Variants in TINAGL1 observed in about 807,000 individuals in gnomAD.
The protein encoded by TINAGL1 is tubulointerstitial nephritis antigen like 1, also known as tubulointerstitial nephritis antigen-like.
In TINAGL1, 34 loss-of-function variants were observed where a neutral mutation model predicts 62.0. The observed-to-expected ratio is 0.55, with a 90% CI of 0.42 to 0.73. The LOEUF (loss-of-function observed/expected upper bound fraction) is 0.73, where lower values mean the gene tolerates loss of function less well. Among genes scored for constraint, TINAGL1 ranks in the 30% least tolerant of loss-of-function variants. The probability of loss-of-function intolerance (pLI) is 0.00; values close to 1 mark genes in which losing one functional copy is unlikely to be tolerated. For missense variants in TINAGL1, 516 were observed against 653.2 expected, an observed-to-expected ratio of 0.79 and a Z score of 2.29; for synonymous variants, 221 against 249.7, an observed-to-expected ratio of 0.88 and a Z score of 1.08.
intron 3 of TINAGL1, among the ~76,000 whole-genome samples, chr1:31,581,105 C>G (rs1271925788): frequency 6.6e-6 from 1 of 152,136 alleles, no homozygotes. Flanking sequence ...GGTGACTGAG[C>G]TCATTTTAGC....
In TINAGL1 at chr1:31,587,116, C is replaced by CG. The variant is rs1274989627; in HGVS notation, c.*140dup. ...GGGCGCCAGGGCGCTAATCCCGGCG[C>CG]GGGTTCCGCTGACGCAGCGCCCCGC... On this transcript the variant is annotated 3_prime_UTR_variant, in exon 12 of 12. Transcript: ENST00000271064. 8 of 1,262,510 alleles carry CG rather than the reference C, an allele frequency of 6.3e-6. No homozygotes were observed. The highest frequency in any genetic ancestry group is 8.0e-6 in the Non-Finnish European group (8 of 996,362). 78.2% of individuals were successfully genotyped at this position (1,262,510 alleles called of 1,614,324 possible). A position where few individuals can be genotyped will look rare whatever the true frequency, so the allele number is the denominator to read the frequency against.
intron 3 of TINAGL1, chr1:31,580,619 A>G (rs1357693322): frequency 7.8e-7 from 1 of 1,289,346 alleles, no homozygotes; most frequent in African/African-American, 1.5e-5. Flanking sequence ...TGGGGCTGGA[A>G]AGCCCAGCCA....
In TINAGL1 at chr1:31,584,579, C is replaced by A; in HGVS notation, c.583-99C>A. The A allele has an allele frequency of 6.3e-7, 1 of 1,575,870 alleles. No individual in the cohort carries two copies. Among genetic ancestry groups the A allele is most frequent in the Non-Finnish European group, 8.7e-7 (1 of 1,155,002 alleles). ...AGCAGGAGGGCTCAAGATTAAACTG[C>A]AGAAGGCCCTGGACTTGGTGGCCCT... is the stretch of plus-strand genomic sequence containing the variant. On this transcript the variant is annotated intron_variant, in intron 5 of 11. Transcript: ENST00000271064. This position sits in a 1 kb window ranked among gnomAD's most constrained non-coding sequence, Gnocchi z 4.0.
rs1570215382 is a variant in TINAGL1 at position 31,584,364 on chromosome 1, T to G, written c.583-314T>G. ...AAGGTGCAGAGGAAAGAGGCAGGGGTTGAGAATGGAAAGCTGAGGGACCTG... is the reference window on the plus strand; with the variant it reads ...AAGGTGCAGAGGAAAGAGGCAGGGGGTGAGAATGGAAAGCTGAGGGACCTG... On this transcript the variant is annotated intron_variant, in intron 5 of 11. Coordinates refer to ENST00000271064, the MANE Select transcript of TINAGL1 (RefSeq NM_022164.3). The surrounding 1 kb of genome is among the most constrained non-coding windows in gnomAD (Gnocchi z 4.0). 1 of 349,298 alleles carries G rather than the reference T, an allele frequency of 2.9e-6. No homozygotes were observed. Among genetic ancestry groups the G allele is most frequent in the Non-Finnish European group, 5.5e-6 (1 of 183,050 alleles). The allele number at this position is 349,298 out of a possible 1,614,324, so 21.6% of individuals were successfully genotyped here.
At position 31,585,382 on chromosome 1, in the gene TINAGL1, G is replaced by T; in HGVS notation, c.1047+42G>T. 1 of 1,607,416 alleles carries T rather than the reference G, an allele frequency of 6.2e-7. No homozygotes were observed. The highest frequency in any genetic ancestry group is 8.5e-7 in the Non-Finnish European group (1 of 1,176,128). On this transcript the variant is annotated intron_variant, in intron 8 of 11. Coordinates refer to ENST00000271064, the MANE Select transcript of TINAGL1 (RefSeq NM_022164.3). This position sits in a 1 kb window ranked among gnomAD's most constrained non-coding sequence, Gnocchi z 4.3. Reference sequence around the variant, plus strand: ...GTGAGGGCGCCGAGGCAGGAGGGTTGTGAAAGCCTGGAGTCTCACCCCTGA... The same window carrying T: ...GTGAGGGCGCCGAGGCAGGAGGGTTTTGAAAGCCTGGAGTCTCACCCCTGA...
At position 31,587,321 on chromosome 1, in the gene TINAGL1, TC is replaced by T. The variant is rs371542008; in HGVS notation, c.*343del. The T allele has an allele frequency of 9.8e-6, 2 of 203,860 alleles. No individual in the cohort carries two copies. Among genetic ancestry groups the T allele is most frequent in the Non-Finnish European group, 9.6e-6 (1 of 103,804 alleles). 12.6% of individuals were successfully genotyped at this position (203,860 alleles called of 1,614,324 possible). On this transcript the variant is annotated 3_prime_UTR_variant, in exon 12 of 12. Transcript: ENST00000271064. Reference sequence around the variant, plus strand: ...CCACTACCCCACCCCACTCCTGTATTCTTTTTTTTTTTTTTTTAGACAGGGT... The same window carrying T: ...CCACTACCCCACCCCACTCCTGTATTTTTTTTTTTTTTTTTTAGACAGGGT...
At chr1:31,578,617 G>GTT (rs1422841159) in intron 2 of TINAGL1, among the ~76,000 whole-genome samples, 1 of 142,676 alleles carries the variant, frequency 7.0e-6, no homozygotes, top group African/African-American at 2.7e-5. Flanking sequence ...GTGTGTGTGT[G>GTT]TGTGATGTCT....
At chr1:31,580,551 A>C in intron 3 of TINAGL1, 1 of 1,288,988 alleles carries the variant, frequency 7.8e-7, no homozygotes, top group South Asian at 1.2e-5. Context: ...AGGATGAGGA[A>C]AGCCTTCCCG....
chr1:31,583,042 C>A lies in TINAGL1; in HGVS notation c.375-107C>A. Reference sequence around the variant, plus strand: ...ATGGGATCACCTAGAGATTCTCCCACAGTCACTTGCACAGACTCCCTGGCC... The same window carrying A: ...ATGGGATCACCTAGAGATTCTCCCAAAGTCACTTGCACAGACTCCCTGGCC... On this transcript the variant is annotated intron_variant, in intron 3 of 11. Coordinates refer to ENST00000271064, the MANE Select transcript of TINAGL1 (RefSeq NM_022164.3). This position sits in a 1 kb window ranked among gnomAD's most constrained non-coding sequence, Gnocchi z 4.4. The A allele has an allele frequency of 1.1e-6, 1 of 936,124 alleles. No homozygotes were observed. The highest frequency in any genetic ancestry group is 1.7e-6 in the Non-Finnish European group (1 of 573,070). 58.0% of individuals were successfully genotyped at this position (936,124 alleles called of 1,614,324 possible). A position where few individuals can be genotyped will look rare whatever the true frequency, so the allele number is the denominator to read the frequency against.
rs1475220192 is a variant in TINAGL1 at position 31,585,080 on chromosome 1, C to T, written c.857+44C>T. The T allele has an allele frequency of 2.5e-6, 4 of 1,569,746 alleles. No homozygotes were observed. The highest frequency in any genetic ancestry group is 3.5e-6 in the Non-Finnish European group (4 of 1,154,044). The stretch of plus-strand genomic sequence containing the variant: ...TGTGGGCAGAGAAGAGGGCAAGGAG[C>T]TCCGTGGGCATGGCCTGGGCCATGA... On this transcript the variant is annotated intron_variant, in intron 7 of 11. Coordinates refer to ENST00000271064, the MANE Select transcript of TINAGL1 (RefSeq NM_022164.3). This position sits in a 1 kb window ranked among gnomAD's most constrained non-coding sequence, Gnocchi z 4.3.
rs184476925 is a variant in TINAGL1 at position 31,585,146 on chromosome 1, T to C, written c.858-5T>C. On this transcript the variant is annotated splice_region_variant and splice_polypyrimidine_tract_variant and intron_variant, in intron 7 of 11. Coordinates refer to ENST00000271064, the MANE Select transcript of TINAGL1 (RefSeq NM_022164.3). This position sits in a 1 kb window ranked among gnomAD's most constrained non-coding sequence, Gnocchi z 4.3. ...TGCCTTTGCTCCCTCTTGCTGCCTT[T>C]GCAGGGTGGTGTCTGACCACTGCTA... is the stretch of plus-strand genomic sequence containing the variant. 7.6e-6 allele frequency: 12 copies of C among 1,571,010 alleles called. No homozygotes were observed. Among genetic ancestry groups the C allele is most frequent in the Non-Finnish European group, 1.0e-5 (12 of 1,155,752 alleles).
intron 2 of TINAGL1, 51 bp from the exon 3 acceptor site, chr1:31,579,153 G>A: frequency 1.3e-6 from 2 of 1,515,084 alleles, no homozygotes; most frequent in Non-Finnish European, 1.8e-6. Context: ...TGGCCAATTA[G>A]CCCATCCTCT....
rs934284878 is a variant in TINAGL1 at position 31,577,222 on chromosome 1, G to A, written c.74G>A (p.Gly25Asp). 2 of 1,604,050 alleles carry A rather than the reference G, an allele frequency of 1.2e-6. No individual in the cohort carries two copies. The highest frequency in any genetic ancestry group is 1.3e-5 in the African/African-American group (1 of 74,924). Residue 25 changes from glycine (G) to aspartate (D), a missense_variant, in exon 2 of 12, where the codon GGT (glycine) becomes GAT (aspartate). Transcript: ENST00000271064. This position sits in a 1 kb window ranked among gnomAD's most constrained non-coding sequence, Gnocchi z 5.4. The part of the protein sequence containing the change: ...AGHLALGAQQ[G>D]RGRRELAPGL... ...CACTTGGCTCTGGGTGCCCAGCAGG[G>A]TCGTGGGCGCCGGGAGCTAGCACCG...
At position 31,585,131 on chromosome 1, in the gene TINAGL1, C is replaced by T; in HGVS notation, c.858-20C>T. On this transcript the variant is annotated intron_variant, in intron 7 of 11. Coordinates refer to ENST00000271064, the MANE Select transcript of TINAGL1 (RefSeq NM_022164.3). This position sits in a 1 kb window ranked among gnomAD's most constrained non-coding sequence, Gnocchi z 4.3. ...TGCACTGAGTCTTTCTGCCTTTGCT[C>T]CCTCTTGCTGCCTTTGCAGGGTGGT... 1 of 1,565,628 alleles carries T rather than the reference C, an allele frequency of 6.4e-7. No individual in the cohort carries two copies. The highest frequency in any genetic ancestry group is 8.7e-7 in the Non-Finnish European group (1 of 1,152,494).
In TINAGL1 at chr1:31,587,092, G is replaced by A; in HGVS notation, c.*113G>A. ...CCCGACAGAGCCCGGGGCGCAGGCG[G>A]GCGCCAGGGCGCTAATCCCGGCGCG... On this transcript the variant is annotated 3_prime_UTR_variant, in exon 12 of 12. Coordinates refer to ENST00000271064, the MANE Select transcript of TINAGL1 (RefSeq NM_022164.3). 2 of 1,318,474 alleles carry A rather than the reference G, an allele frequency of 1.5e-6. No homozygotes were observed. The highest frequency in any genetic ancestry group is 1.9e-6 in the Non-Finnish European group (2 of 1,037,920). The allele number at this position is 1,318,474 out of a possible 1,614,324, so 81.7% of individuals were successfully genotyped here.
Position 31,584,898 on chromosome 1 carries a change from A to T in TINAGL1, c.719A>T (p.Asp240Val), listed in dbSNP as rs1231632750. ...CTCACCCCACCAGCTGTGGCATCCG[A>T]TCGTGTCTCAATCCATTCTCTGGGA... Reference protein sequence around the residue: ...WAFSTAAVASDRVSIHSLGHM... With the variant: ...WAFSTAAVASVRVSIHSLGHM... The change falls in exon 7 of 12, where the codon GAT (aspartate) becomes GTT (valine). Residue 240 changes from aspartate (D) to valine (V), a missense_variant. Transcript: ENST00000271064. This position sits in a 1 kb window ranked among gnomAD's most constrained non-coding sequence, Gnocchi z 4.0. 6.2e-7 allele frequency: 1 copy of T among 1,610,422 alleles called. No homozygotes were observed. Among genetic ancestry groups the T allele is most frequent in the Non-Finnish European group, 8.5e-7 (1 of 1,177,026 alleles).
intron 3 of TINAGL1, among the ~76,000 whole-genome samples, chr1:31,581,317 C>T (rs1639238906): frequency 6.6e-6 from 1 of 152,084 alleles, no homozygotes; most frequent in Non-Finnish European, 1.5e-5. Flanking sequence ...TAAGGGGTAG[C>T]AGACTTGGTG....
At position 31,585,006 on chromosome 1, in the gene TINAGL1, A is replaced by G. The variant is rs772617101; in HGVS notation, c.827A>G (p.Asp276Gly). Reference protein sequence around the residue: ...QQQGCRGGRLDGAWWFLRRRG... With the variant: ...QQQGCRGGRLGGAWWFLRRRG... ...CAGGGCTGCCGCGGTGGGCGTCTCG[A>G]TGGTGCCTGGTGGTTCCTGCGTCGC... Residue 276 changes from aspartate (D) to glycine (G), a missense_variant, in exon 7 of 12, where the codon GAT becomes GGT. Transcript: ENST00000271064. This position sits in a 1 kb window ranked among gnomAD's most constrained non-coding sequence, Gnocchi z 4.3. The G allele has an allele frequency of 1.2e-6, 2 of 1,609,600 alleles. No individual in the cohort carries two copies. Among genetic ancestry groups the G allele is most frequent in the Admixed American group, 1.7e-5 (1 of 59,738 alleles).
At chr1:31,586,374 A>C in intron 10 of TINAGL1, 1 of 492,024 alleles carries the variant, frequency 2.0e-6, no homozygotes, top group Non-Finnish European at 3.6e-6. Flanking sequence ...CCCTCCCTGG[A>C]TCCCCAAGTG....
Sources: gnomAD v4.1 joint callset for allele counts (sites outside exome capture counted in the v4.1 genomes callset) on GRCh38, gnomAD v4.1.1 for gene constraint, Gnocchi (gnomAD v3.1) non-coding constraint, MANE v1.5 for transcripts, NCBI Gene and HGNC (gene_info 2026-07-23, HGNC 2026-07-21) for gene names.